The following NREP variants were observed in gnomAD, a reference collection of about 807,000 sequenced individuals.
The protein encoded by NREP is neuronal regeneration related protein, also known as neuronal regeneration-related protein.
NREP carries 5 observed loss-of-function variants against 8.6 expected under a neutral mutation model. The ratio of observed to expected loss-of-function variants is 0.58; its 90% CI spans 0.30 to 1.22. NREP has a LOEUF of 1.22. Among genes scored for constraint, NREP ranks in the 50% most tolerant of loss-of-function variants. NREP has a pLI of 0.07. For synonymous variants in NREP, 27 were observed against 28.0 expected, an observed-to-expected ratio of 0.96 and a Z score of 0.11; for missense variants, 86 against 82.5, an observed-to-expected ratio of 1.04 and a Z score of -0.17.
In NREP at chr5:111,749,335, G is replaced by A. The variant is rs896344482; in HGVS notation, c.3+6435C>T. 2.0e-5 allele frequency among the ~76,000 whole-genome samples: 3 copies of A among 152,118 alleles called. No homozygotes were observed. The East Asian group carries it at 5.8e-4, about 29-fold the overall frequency. ...CAGACAAGTACCACCTCATCTAAAGGGGTTAAAAGAGCTAGTCACATCATT... is the reference window on the plus strand; with the variant it reads ...CAGACAAGTACCACCTCATCTAAAGAGGTTAAAAGAGCTAGTCACATCATT... On this transcript the variant is annotated intron_variant, in intron 2 of 3. Coordinates refer to ENST00000257435, the MANE Select transcript of NREP (RefSeq NM_004772.4).
intron 2 of NREP, among the ~76,000 whole-genome samples, chr5:111,894,858 T>C (rs528505941): frequency 6.6e-6 from 1 of 152,316 alleles, no homozygotes; most frequent in South Asian, 2.1e-4. Context: ...ACAATATTTA[T>C]ATGGTGATCA....
chr5:111,933,863 G>A (rs900857277), intron 2 of NREP, among the ~76,000 whole-genome samples: 5 of 152,060 alleles, frequency 3.3e-5, no homozygotes, highest in South Asian at 2.1e-4. Context: ...TTAGATAGTC[G>A]CAGAAACCAG....
intron 2 of NREP, among the ~76,000 whole-genome samples, chr5:111,848,722 A>G (rs1292573015): frequency 6.6e-6 from 1 of 150,938 alleles, no homozygotes; most frequent in Non-Finnish European, 1.5e-5. Context: ...ACATGGAACC[A>G]TGGCATCCAA....
chr5:111,906,514 T>G (rs1754783035), intron 2 of NREP, among the ~76,000 whole-genome samples: 1 of 152,148 alleles, frequency 6.6e-6, no homozygotes, highest in South Asian at 2.1e-4. Flanking sequence ...ATTGCTATGC[T>G]TTAATGCTAG....
intron 2 of NREP, among the ~76,000 whole-genome samples, chr5:111,921,873 A>G (rs578127438): frequency 1.3e-5 from 2 of 152,210 alleles, no homozygotes; most frequent in South Asian, 4.1e-4. Context: ...ACTAGATCTG[A>G]TGGGTTTATC....
intron 2 of NREP, among the ~76,000 whole-genome samples, chr5:111,784,045 T>A (rs1751554540): frequency 6.6e-6 from 1 of 152,160 alleles, no homozygotes. Flanking sequence ...TCAGTTGATA[T>A]ATATGTGGGG....
At chr5:111,866,155 TCTAATTAAA>T (rs1581174172) in intron 2 of NREP, among the ~76,000 whole-genome samples, 1 of 152,112 alleles carries the variant, frequency 6.6e-6, no homozygotes, top group East Asian at 1.9e-4. Flanking sequence ...ACAAATGGGA[TCTAATTAAA>T]CTAAAGAGCT....
chr5:111,885,651 C>A (rs546412634), intron 2 of NREP, among the ~76,000 whole-genome samples: 81 of 152,094 alleles, frequency 5.3e-4, no homozygotes, highest in African/African-American at 1.7e-3. Context: ...AGAACAGAGC[C>A]CTCAGAAATA....
intron 2 of NREP, among the ~76,000 whole-genome samples, chr5:111,827,613 G>T (rs1304170956): frequency 6.6e-6 from 1 of 152,212 alleles, no homozygotes; most frequent in African/African-American, 2.4e-5. Flanking sequence ...AGGCTGTGGT[G>T]GGTGGATCAC....
chr5:111,768,282 G>A (rs779920105), intron 2 of NREP, among the ~76,000 whole-genome samples: 2 of 152,078 alleles, frequency 1.3e-5, no homozygotes, highest in African/African-American at 2.4e-5. Flanking sequence ...AGGAGATTAT[G>A]GATTTTGTGC....
Position 111,749,145 on chromosome 5 carries a change from G to A in NREP, c.3+6625C>T, listed in dbSNP as rs115788530. Among the ~76,000 whole-genome samples the A allele has an allele frequency of 3.7e-3, 556 of 152,176 alleles. 9 individuals are homozygous for A. The highest frequency in any genetic ancestry group is 0.013 in the African/African-American group (530 of 41,514). On this transcript the variant is annotated intron_variant, in intron 2 of 3. Transcript: ENST00000257435. ...CAATCCACTATGGCTAGAAATAAAGGATTAATTCATATAGTTCCTGGCTTA... is the reference window on the plus strand; with the variant it reads ...CAATCCACTATGGCTAGAAATAAAGAATTAATTCATATAGTTCCTGGCTTA...
chr5:111,767,772 C>T (rs1455959968), intron 2 of NREP, among the ~76,000 whole-genome samples: 3 of 152,076 alleles, frequency 2.0e-5, no homozygotes, highest in Non-Finnish European at 2.9e-5. Context: ...CTCAAGTGAT[C>T]CTCCCACCTC....
rs1229921175 is a variant in NREP, at chr5:111,960,927, G to A, written c.135+14347C>T. ...AAGTAATTTTAAAAAATCAATCTAT[G>A]AGCCAAAATAACTTCCAACATTATG... is the stretch of plus-strand genomic sequence containing the variant. On this transcript the variant is annotated intron_variant, in intron 2 of 3. Coordinates refer to the NREP transcript ENST00000395634. Among the ~76,000 whole-genome samples the A allele has an allele frequency of 2.6e-5, 4 of 152,134 alleles. No homozygotes were observed. In the East Asian group the frequency reaches 7.7e-4, roughly 29 times the overall value.
At chr5:111,758,192 G>C, upstream of NREP, 1 of 985,584 alleles carries the variant, frequency 1.0e-6, no homozygotes, top group Non-Finnish European at 1.2e-6. Context: ...CCTGAAGGCC[G>C]GGCCCAGAGG....
intron 2 of NREP, among the ~76,000 whole-genome samples, chr5:111,825,999 G>C (rs894118764): frequency 2.0e-5 from 3 of 149,274 alleles, no homozygotes; most frequent in Admixed American, 1.3e-4. Context: ...TGTCACCCAA[G>C]CTGGAATGCA....
chr5:111,927,137 C>T (rs922445394), intron 2 of NREP, among the ~76,000 whole-genome samples: 2 of 152,018 alleles, frequency 1.3e-5, no homozygotes, highest in Non-Finnish European at 2.9e-5. Context: ...ACTGCCAAAC[C>T]ATCACCTGAT....
At chr5:111,968,284 A>C (rs1561374718) in intron 2 of NREP, among the ~76,000 whole-genome samples, 1 of 152,192 alleles carries the variant, frequency 6.6e-6, no homozygotes, top group Non-Finnish European at 1.5e-5. Flanking sequence ...GGTATAAGAA[A>C]AGATAAGTTA....
chr5:111,902,269 T>C (rs1170970361), intron 2 of NREP, among the ~76,000 whole-genome samples: 2 of 152,068 alleles, frequency 1.3e-5, no homozygotes, highest in East Asian at 1.9e-4. Context: ...ACTAGACCCC[T>C]ATCTCTCGCC....
chr5:111,780,115 G>A (rs373714323), intron 2 of NREP, among the ~76,000 whole-genome samples: 361 of 152,224 alleles, frequency 2.4e-3, no homozygotes, highest in African/African-American at 8.2e-3. Flanking sequence ...GAGAACACGG[G>A]GGTGGGAATG....
Sources: gnomAD v4.1 joint callset for allele counts (sites outside exome capture counted in the v4.1 genomes callset) on GRCh38, gnomAD v4.1.1 for gene constraint, MANE v1.5 for transcripts, NCBI Gene and HGNC (gene_info 2026-07-23, HGNC 2026-07-21) for gene names.